Variants in AMD1 observed in about 807,000 individuals in gnomAD.
The protein encoded by AMD1 is adenosylmethionine decarboxylase 1.
Under a neutral mutation model 40.2 loss-of-function variants are expected in AMD1, and 11 were observed. The observed-to-expected ratio is 0.27, with a 90% confidence interval of 0.17 to 0.45. AMD1 has a LOEUF of 0.45. Among genes scored for constraint, AMD1 ranks in the 20% least tolerant of loss-of-function variants. AMD1 has a pLI of 1.00. For synonymous variants in AMD1, 121 were observed against 130.8 expected, an observed-to-expected ratio of 0.93 and a Z score of 0.51; for missense variants, 257 against 410.2, an observed-to-expected ratio of 0.63 and a Z score of 3.23.
the AMD1 span, among the ~76,000 whole-genome samples, chr6:110,857,672 A>G: frequency 2.3e-5 from 3 of 130,848 alleles, no homozygotes; most frequent in Non-Finnish European, 1.6e-5. Context: ...ATATATACAG[A>G]TGGCATATAT....
At chr6:110,838,390 A>C in the AMD1 span, among the ~76,000 whole-genome samples, 1 of 152,038 alleles carries the variant, frequency 6.6e-6, no homozygotes, top group Non-Finnish European at 1.5e-5. Context: ...CCATCTCAAA[A>C]AAAAAACCAA....
At chr6:110,817,011 G>A in the AMD1 span, among the ~76,000 whole-genome samples, 1 of 152,202 alleles carries the variant, frequency 6.6e-6, no homozygotes, top group Non-Finnish European at 1.5e-5. Flanking sequence ...CTGTTAACCT[G>A]ACTGGTATCA....
At chr6:110,848,525 A>AAAC in the AMD1 span, 3 of 305,478 alleles carry the variant, frequency 9.8e-6, no homozygotes, top group Non-Finnish European at 1.8e-5. Context: ...TGTTAGCAAA[A>AAAC]AACAACAACA....
Position 110,893,733 on chromosome 6 carries a change from A to G in AMD1, c.*117A>G. On this transcript the variant is annotated 3_prime_UTR_variant, in exon 9 of 9. Transcript: ENST00000368885. Reference sequence around the variant, plus strand: ...ATAACCACCACTGTGTAGTTGCAGAAAGCCCTAGATGTAATGATAGTGTAA... The same window carrying G: ...ATAACCACCACTGTGTAGTTGCAGAGAGCCCTAGATGTAATGATAGTGTAA... 4.3e-6 allele frequency: 5 copies of G among 1,161,362 alleles called. No homozygotes were observed. The highest frequency in any genetic ancestry group is 6.0e-6 in the Non-Finnish European group (5 of 829,282). The allele number at this position is 1,161,362 out of a possible 1,614,324, so 71.9% of individuals were successfully genotyped here.
chr6:110,819,008 G>A, the AMD1 span, among the ~76,000 whole-genome samples: 5 of 152,290 alleles, frequency 3.3e-5, no homozygotes, highest in South Asian at 2.1e-4. Flanking sequence ...AAAGTGTTCA[G>A]GTTCAATTGG....
the AMD1 span, among the ~76,000 whole-genome samples, chr6:110,845,405 T>A: frequency 1.3e-5 from 2 of 152,110 alleles, no homozygotes; most frequent in African/African-American, 2.4e-5. Flanking sequence ...AGACCATTCA[T>A]GAGAGATCTG....
At chr6:110,815,276 T>C in the AMD1 span, 11 of 964,802 alleles carry the variant, frequency 1.1e-5, no homozygotes, top group African/African-American at 1.4e-4. Flanking sequence ...CGCCCGCCGC[T>C]CCGCGGTCCG....
At chr6:110,862,019 CT>C in the AMD1 span, among the ~76,000 whole-genome samples, 16,360 of 125,198 alleles carry the variant, frequency 0.13, 814 homozygotes, top group Admixed American at 0.16. Flanking sequence ...GATTTAAAAT[CT>C]TTTTTTTTTT....
chr6:110,874,855 A>G lies in AMD1; in HGVS notation c.-251A>G, dbSNP rs1785011757. On this transcript the variant is annotated 5_prime_UTR_variant, in exon 1 of 9. In the 5' UTR this introduces an upstream ATG that the reference lacks. Transcript: ENST00000368885. The stretch of plus-strand genomic sequence containing the variant: ...CTCTCTAACGGGAAAGCAGCGGAAT[A>G]CAAGAGACTGAACTGTATCTGCCTC... 1 of 454,352 alleles carries G rather than the reference A, an allele frequency of 2.2e-6. No individual in the cohort carries two copies. The highest frequency in any genetic ancestry group is 2.8e-5 in the South Asian group (1 of 36,298). 28.1% of individuals were successfully genotyped at this position (454,352 alleles called of 1,614,324 possible).
chr6:110,869,505 C>CTTTTT, the AMD1 span, among the ~76,000 whole-genome samples: 2 of 143,884 alleles, frequency 1.4e-5, no homozygotes. Context: ...TTTACAGTTT[C>CTTTTT]TTTTTTTTTT....
chr6:110,890,387 C>A (rs1785946464), intron 4 of AMD1, 31 bp downstream of exon 4: 2 of 1,481,148 alleles, frequency 1.4e-6, no homozygotes, highest in East Asian at 2.3e-5. Context: ...AACCTGTTGT[C>A]TTCTTAAAGA....
upstream of AMD1, among the ~76,000 whole-genome samples, chr6:110,871,079 G>T (rs79877856): frequency 0.024 from 3,588 of 152,288 alleles, 120 homozygotes; most frequent in African/African-American, 0.084. Flanking sequence ...GGTCAGTACG[G>T]ATGGAGTACA....
chr6:110,846,112 G>T, the AMD1 span, among the ~76,000 whole-genome samples: 2 of 152,162 alleles, frequency 1.3e-5, no homozygotes, highest in African/African-American at 4.8e-5. Context: ...GGTGGTGCAC[G>T]CATGTAATCC....
rs751998776 is a variant in AMD1, at chr6:110,875,228, G to T, written c.110+13G>T. 3.2e-6 allele frequency: 5 copies of T among 1,587,178 alleles called. No homozygotes were observed. The African/African-American group carries it at 5.4e-5, about 17-fold the overall frequency. Reference sequence around the variant, plus strand: ...GCACTATCCCAAGGTGGGTCCCCGGGGCGCTCGCTGACATCCGGGCCTGGG... The same window carrying T: ...GCACTATCCCAAGGTGGGTCCCCGGTGCGCTCGCTGACATCCGGGCCTGGG... On this transcript the variant is annotated intron_variant, in intron 1 of 8. Coordinates refer to ENST00000368885, the MANE Select transcript of AMD1 (RefSeq NM_001634.6).
At chr6:110,847,321 T>C in the AMD1 span, among the ~76,000 whole-genome samples, 1 of 152,054 alleles carries the variant, frequency 6.6e-6, no homozygotes, top group Admixed American at 6.6e-5. Flanking sequence ...GTCAGGAGAT[T>C]GAGACCATCC....
At chr6:110,815,148 C>G in the AMD1 span, 2 of 1,580,628 alleles carry the variant, frequency 1.3e-6, no homozygotes, top group Non-Finnish European at 1.7e-6. Flanking sequence ...GTCTGCTTCC[C>G]CCATAGAGGC....
At chr6:110,868,234 G>T in the AMD1 span, among the ~76,000 whole-genome samples, 14 of 151,854 alleles carry the variant, frequency 9.2e-5, no homozygotes, top group Non-Finnish European at 2.1e-4. Context: ...TGCAAGTTCT[G>T]CCTCCCGGGT....
At chr6:110,855,700 TAG>T in the AMD1 span, among the ~76,000 whole-genome samples, 1 of 151,972 alleles carries the variant, frequency 6.6e-6, no homozygotes, top group Admixed American at 6.6e-5. Context: ...TGCAAAAAGG[TAG>T]AGTGACAAAA....
In AMD1 at chr6:110,893,540, G is replaced by A. The variant is rs1174981716; in HGVS notation, c.929G>A (p.Cys310Tyr). Residue 310 changes from cysteine (C) to tyrosine (Y), a missense_variant, in exon 9 of 9, where the codon TGC (cysteine) becomes TAC (tyrosine). This residue lies in a region of AMD1 where 192 missense variants were observed against 296.5 expected (regional missense o/e 0.65). Transcript: ENST00000368885. ...QKIEGFKRLDCQSAMFNDYNF... is the reference protein window; with the variant it reads ...QKIEGFKRLDYQSAMFNDYNF... ...ATTGAAGGTTTTAAGCGTCTTGATT[G>A]CCAGAGTGCTATGTTCAATGATTAC... 1.2e-6 allele frequency: 2 copies of A among 1,614,018 alleles called. No individual in the cohort carries two copies. Among genetic ancestry groups the A allele is most frequent in the South Asian group, 2.2e-5 (2 of 91,078 alleles).
Sources: gnomAD v4.1 joint callset for allele counts (sites outside exome capture counted in the v4.1 genomes callset) on GRCh38, gnomAD v4.1.1 for gene constraint, gnomAD v4.1.1 regional missense constraint, MANE v1.5 for transcripts, NCBI Gene and HGNC (gene_info 2026-07-23, HGNC 2026-07-21) for gene names.